Variants in RIC1 observed in about 807,000 individuals in gnomAD.
The protein encoded by RIC1 is RIC1 partner of RAB6A GEF complex.
A neutral mutation model predicts 169.0 loss-of-function variants in RIC1; 88 were observed. The observed-to-expected ratio is 0.52, with a 90% CI of 0.44 to 0.62. The LOEUF (loss-of-function observed/expected upper bound fraction) is 0.62, where lower values mean the gene tolerates loss of function less well. Ranked by LOEUF, RIC1 falls within the 20% of genes least tolerant of loss-of-function variation. RIC1 has a pLI of 0.00. For synonymous variants in RIC1, 790 were observed against 601.5 expected, an observed-to-expected ratio of 1.31 and a Z score of -4.59; for missense variants, 1,877 against 1,725.5, an observed-to-expected ratio of 1.09 and a Z score of -1.56.
chr9:5,688,594 T>G (rs1156360384), intron 2 of RIC1, among the ~76,000 whole-genome samples: 1 of 152,174 alleles, frequency 6.6e-6, no homozygotes, highest in East Asian at 1.9e-4. Flanking sequence ...TGAAGAATTT[T>G]CACCCTTTTG....
intron 3 of RIC1, among the ~76,000 whole-genome samples, chr9:5,702,498 C>CT (rs986746762): frequency 1.3e-5 from 2 of 148,416 alleles, no homozygotes; most frequent in Non-Finnish European, 3.0e-5. Flanking sequence ...CACTTACACA[C>CT]TTTTTTTTTG....
intron 12 of RIC1, among the ~76,000 whole-genome samples, chr9:5,748,134 A>C (rs72693742): frequency 7.6e-4 from 116 of 152,318 alleles, no homozygotes; most frequent in Non-Finnish European, 1.3e-3. Context: ...TATTTTGGGG[A>C]AACCAGTAAG....
At chr9:5,669,356 T>A (rs1289394190) in intron 2 of RIC1, among the ~76,000 whole-genome samples, 1 of 152,200 alleles carries the variant, frequency 6.6e-6, no homozygotes, top group Non-Finnish European at 1.5e-5. Context: ...ACAGCTTAGC[T>A]CCCAATTATG....
chr9:5,765,343 G>C (rs977484373), intron 19 of RIC1, 71 bp from the exon 20 acceptor site: 3 of 1,485,738 alleles, frequency 2.0e-6, no homozygotes, highest in Non-Finnish European at 2.7e-6. Context: ...TAGAAAACGA[G>C]ATAAAGAATT....
chr9:5,709,433 G>C (rs1822799254), intron 3 of RIC1, among the ~76,000 whole-genome samples: 1 of 152,012 alleles, frequency 6.6e-6, no homozygotes, highest in Non-Finnish European at 1.5e-5. Context: ...TACTTTCTTA[G>C]CTTTGTGATC....
rs781142327 is a variant in RIC1 at position 5,769,186 on chromosome 9, C to T, written c.3354C>T (p.Phe1118=). Residue 1118 remains phenylalanine, a synonymous_variant, in exon 22 of 26, where the codon TTC becomes TTT. Transcript: ENST00000414202. The stretch of plus-strand genomic sequence containing the variant: ...CCCTGAAGAGACTCCACAAAGATTT[C>T]CTGTGGCCACTTCCAATCATCCCAG... The part of the protein sequence containing the change: ...VIALKRLHKD[F]LWPLPIIPAS... 2.5e-6 allele frequency: 4 copies of T among 1,613,968 alleles called. No homozygotes were observed. The highest frequency in any genetic ancestry group is 3.4e-6 in the Non-Finnish European group (4 of 1,179,990).
intron 3 of RIC1, among the ~76,000 whole-genome samples, chr9:5,701,864 G>A (rs1415321011): frequency 3.3e-5 from 5 of 152,114 alleles, no homozygotes; most frequent in Non-Finnish European, 5.9e-5. Flanking sequence ...AAGCAAAGGA[G>A]TAACTGTTAA....
At chr9:5,680,574 G>C (rs1241448430) in intron 2 of RIC1, among the ~76,000 whole-genome samples, 1 of 152,092 alleles carries the variant, frequency 6.6e-6, no homozygotes, top group East Asian at 1.9e-4. Flanking sequence ...TCTTGGGAAG[G>C]TGTAGGGTGT....
At chr9:5,719,651 G>C (rs1191319734) in intron 4 of RIC1, among the ~76,000 whole-genome samples, 3 of 152,128 alleles carry the variant, frequency 2.0e-5, no homozygotes, top group South Asian at 2.1e-4. Context: ...TTAATGAAAA[G>C]TAAATAAAAT....
At chr9:5,698,498 C>G (rs910215776) in intron 3 of RIC1, among the ~76,000 whole-genome samples, 1 of 152,104 alleles carries the variant, frequency 6.6e-6, no homozygotes, top group Admixed American at 6.5e-5. Flanking sequence ...CTTTTAGTTA[C>G]AAAAGTTAAT....
At chr9:5,724,601 A>G (rs1399603288) in intron 6 of RIC1, among the ~76,000 whole-genome samples, 1 of 152,166 alleles carries the variant, frequency 6.6e-6, no homozygotes, top group Non-Finnish European at 1.5e-5. Flanking sequence ...ACTGTGTTGA[A>G]TAGGAGTGGT....
chr9:5,753,086 A>T, intron 12 of RIC1, 114 bp from the exon 13 acceptor site: 1 of 848,112 alleles, frequency 1.2e-6, no homozygotes, highest in East Asian at 2.5e-5. Context: ...GCTACTAACT[A>T]GGGGGCACCT....
chr9:5,675,038 G>A (rs1820357655), intron 2 of RIC1, among the ~76,000 whole-genome samples: 2 of 152,290 alleles, frequency 1.3e-5, no homozygotes, highest in East Asian at 3.9e-4. Flanking sequence ...ATAGAGGGGT[G>A]CGCCCTTACA....
At chr9:5,776,894 C>T (rs1324009097), downstream of RIC1, among the ~76,000 whole-genome samples, 2 of 152,042 alleles carry the variant, frequency 1.3e-5, no homozygotes, top group Admixed American at 6.5e-5. Context: ...TTCTAATAAG[C>T]GGGATTAAAA....
intron 1 of RIC1, among the ~76,000 whole-genome samples, chr9:5,629,687 G>A (rs999995400): frequency 4.6e-5 from 7 of 152,028 alleles, no homozygotes; most frequent in African/African-American, 1.7e-4. Flanking sequence ...AAATCCCTGA[G>A]CCTCCCCGCG....
At chr9:5,767,263 C>T (rs1295553062) in intron 21 of RIC1, among the ~76,000 whole-genome samples, 2 of 152,112 alleles carry the variant, frequency 1.3e-5, no homozygotes, top group Non-Finnish European at 1.5e-5. Flanking sequence ...ATTACACAGT[C>T]GGGGAGCCAA....
chr9:5,759,420 A>T (rs1007839780), intron 17 of RIC1, among the ~76,000 whole-genome samples: 27 of 152,328 alleles, frequency 1.8e-4, no homozygotes, highest in African/African-American at 6.3e-4. Context: ...AGTCACTAAC[A>T]TGGGGGAAGA....
At chr9:5,765,908 G>A (rs1826700834) in intron 21 of RIC1, 110 bp downstream of exon 21, 4 of 1,356,812 alleles carry the variant, frequency 2.9e-6, no homozygotes, top group African/African-American at 2.9e-5. Context: ...TCCAATTGCA[G>A]TTTCTTTTTC....
chr9:5,738,384 C>G (rs923370878), intron 7 of RIC1, 66 bp from the exon 8 acceptor site: 6 of 1,104,940 alleles, frequency 5.4e-6, no homozygotes, highest in East Asian at 2.5e-5. Context: ...CATAAGAGTT[C>G]TATAATGCTT....
Sources: gnomAD v4.1 joint callset for allele counts (sites outside exome capture counted in the v4.1 genomes callset) on GRCh38, gnomAD v4.1.1 for gene constraint, MANE v1.5 for transcripts, NCBI Gene and HGNC (gene_info 2026-07-23, HGNC 2026-07-21) for gene names.